SPTBN1: variants seen among roughly 807,000 people sequenced by gnomAD.
The protein encoded by SPTBN1 is spectrin beta, non-erythrocytic 1, also known as spectrin beta chain, non-erythrocytic 1.
A neutral mutation model predicts 266.4 loss-of-function variants in SPTBN1; 32 were observed. The observed-to-expected ratio is 0.12, with a 90% CI of 0.09 to 0.16. SPTBN1 has a LOEUF of 0.16. Ranked by LOEUF, SPTBN1 falls within the 10% of genes least tolerant of loss-of-function variation. SPTBN1 has a pLI of 1.00. For missense variants in SPTBN1, 2,296 were observed against 3,067.1 expected (o/e 0.75, Z 5.94); for synonymous variants, 1,336 against 1,162.2 (o/e 1.15, Z -3.04).
At chr2:54,474,286 G>C (rs1260033348) in intron 1 of SPTBN1, among the ~76,000 whole-genome samples, 1 of 152,102 alleles carries the variant, frequency 6.6e-6, no homozygotes, top group Non-Finnish European at 1.5e-5. Flanking sequence ...TTTTTAAGTG[G>C]TGATAACCTA....
chr2:54,616,310 T>A lies in SPTBN1; in HGVS notation c.566+12T>A, dbSNP rs756805160. 6.2e-7 allele frequency: 1 copy of A among 1,612,486 alleles called. No individual in the cohort carries two copies. The highest frequency in any genetic ancestry group is 1.7e-5 in the Admixed American group (1 of 59,968). On this transcript the variant is annotated intron_variant, in intron 5 of 35. Transcript: ENST00000356805. ...ATGAAGACAGCTGGGTGAGTGTGAA[T>A]GAAGAGGGTATTGGGGCTGCTTCTT...
At chr2:54,593,449 G>T (rs1675822064) in intron 2 of SPTBN1, among the ~76,000 whole-genome samples, 1 of 152,140 alleles carries the variant, frequency 6.6e-6, no homozygotes, top group African/African-American at 2.4e-5. Flanking sequence ...TCCCTGGACT[G>T]CCAGAGCTGC....
chr2:54,463,393 G>A (rs1326578484), intron 1 of SPTBN1, among the ~76,000 whole-genome samples: 13 of 152,240 alleles, frequency 8.5e-5, no homozygotes, highest in Non-Finnish European at 1.5e-5. Flanking sequence ...TGAGTTTGAG[G>A]TTCCAGCACA....
chr2:54,462,159 C>G (rs1693399739), intron 1 of SPTBN1, among the ~76,000 whole-genome samples: 1 of 152,182 alleles, frequency 6.6e-6, no homozygotes, highest in Admixed American at 6.5e-5. Flanking sequence ...TATGATACAG[C>G]AGTGTACAGT....
chr2:54,599,148 G>T lies in SPTBN1; in HGVS notation c.205G>T (p.Ala69Ser), dbSNP rs1427486074. ...TFTKWVNSHLARVSCRITDLY... is the reference protein window; with the variant it reads ...TFTKWVNSHLSRVSCRITDLY... ...CACCAAGTGGGTCAATTCCCACCTT[G>T]CCCGTGTGTCCTGCCGGATCACAGA... Residue 69 changes from alanine to serine, a missense_variant, in exon 3 of 36, where the codon GCC becomes TCC. Physicochemically the swap from Ala to Ser is moderately conservative, Grantham distance 99 (BLOSUM62 1). This residue lies in a region of SPTBN1 where 178 missense variants were observed against 375.7 expected (regional missense o/e 0.47). Transcript: ENST00000356805. The T allele has an allele frequency of 6.2e-7, 1 of 1,614,158 alleles. No homozygotes were observed. Among genetic ancestry groups the T allele is most frequent in the South Asian group, 1.1e-5 (1 of 91,086 alleles).
At chr2:54,636,845 G>C (rs1263306475) in intron 17 of SPTBN1, among the ~76,000 whole-genome samples, 1 of 152,198 alleles carries the variant, frequency 6.6e-6, no homozygotes, top group African/African-American at 2.4e-5. Context: ...GTGTATGTGT[G>C]GCAGTGCTTT....
chr2:54,668,230 T>C, intron 35 of SPTBN1, 121 bp from the exon 36 acceptor site: 1 of 852,912 alleles, frequency 1.2e-6, no homozygotes, highest in Non-Finnish European at 1.9e-6. Context: ...TTGGGGACAG[T>C]GCCCAGAAGT....
At chr2:54,587,908 T>G (rs1044559162) in intron 2 of SPTBN1, among the ~76,000 whole-genome samples, 1 of 152,104 alleles carries the variant, frequency 6.6e-6, no homozygotes, top group Non-Finnish European at 1.5e-5. Flanking sequence ...TACCAGAAAA[T>G]GCTTGTGGCT....
intron 2 of SPTBN1, among the ~76,000 whole-genome samples, chr2:54,588,906 G>GT (rs1215240084): frequency 4.6e-5 from 7 of 151,472 alleles, no homozygotes; most frequent in Admixed American, 1.3e-4. Context: ...TACACTATTG[G>GT]TTTTTTTTGT....
intron 1 of SPTBN1, among the ~76,000 whole-genome samples, chr2:54,508,619 TTTC>T (rs1669702372): frequency 6.6e-6 from 1 of 152,170 alleles, no homozygotes. Flanking sequence ...GAAGGAGATT[TTTC>T]TTTGGTCCAA....
intron 2 of SPTBN1, among the ~76,000 whole-genome samples, chr2:54,572,306 C>CA (rs1317151097): frequency 6.6e-6 from 1 of 151,962 alleles, no homozygotes; most frequent in Non-Finnish European, 1.5e-5. Context: ...GGTTACATAG[C>CA]AAAAAAATGT....
chr2:54,464,039 A>G (rs1430749612), intron 1 of SPTBN1, among the ~76,000 whole-genome samples: 1 of 152,238 alleles, frequency 6.6e-6, no homozygotes, highest in East Asian at 1.9e-4. Context: ...GATAGATATT[A>G]TGCTCTGGGC....
At chr2:54,611,416 A>G (rs12473338) in intron 3 of SPTBN1, among the ~76,000 whole-genome samples, 43,033 of 152,060 alleles carry the variant, frequency 0.28, 7,560 homozygotes, top group Admixed American at 0.36. Context: ...ATATACTTCT[A>G]TAATAGTATA....
intron 3 of SPTBN1, among the ~76,000 whole-genome samples, chr2:54,604,554 C>T (rs1676710458): frequency 6.6e-6 from 1 of 152,118 alleles, no homozygotes; most frequent in South Asian, 2.1e-4. Context: ...GGTTTTTGGT[C>T]CATGCGAAGG....
In SPTBN1 at chr2:54,558,520, T is replaced by C; in HGVS notation, c.148+31954T>C. The C allele has an allele frequency of 8.1e-7, 1 of 1,241,830 alleles. No individual in the cohort carries two copies. The allele number at this position is 1,241,830 out of a possible 1,614,324, so 76.9% of individuals were successfully genotyped here. A position where few individuals can be genotyped will look rare whatever the true frequency, so the allele number is the denominator to read the frequency against. ...TGCTTCTCCCTCCTCCTCAGTAATT[T>C]ATTTCGAGCTTCCAGGCAAGGGCCA... On this transcript the variant is annotated intron_variant, in intron 2 of 35. Transcript: ENST00000356805. This position sits in a 1 kb window ranked among gnomAD's most constrained non-coding sequence, Gnocchi z 4.6.
chr2:54,661,152 G>C, intron 32 of SPTBN1: 1 of 985,346 alleles, frequency 1.0e-6, no homozygotes, highest in Non-Finnish European at 1.2e-6. Context: ...ACTTTTTGTG[G>C]AATTCTCTGA....
At position 54,602,506 on chromosome 2, in the gene SPTBN1, T is replaced by G. The variant is rs76536193; in HGVS notation, c.300+3263T>G. On this transcript the variant is annotated intron_variant, in intron 3 of 35. Coordinates refer to ENST00000356805, the MANE Select transcript of SPTBN1 (RefSeq NM_003128.3). Reference sequence around the variant, plus strand: ...CATGGGCGTCTGCAGTGAAGATTGATTCTCACTATGGTGGCCAGTTTTTTG... The same window carrying G: ...CATGGGCGTCTGCAGTGAAGATTGAGTCTCACTATGGTGGCCAGTTTTTTG... Among the ~76,000 whole-genome samples the G allele has an allele frequency of 4.4e-3, 671 of 152,358 alleles. 7 individuals are homozygous for G. The highest frequency in any genetic ancestry group is 0.016 in the African/African-American group (655 of 41,578).
chr2:54,463,989 A>G (rs1324473595), intron 1 of SPTBN1, among the ~76,000 whole-genome samples: 1 of 152,250 alleles, frequency 6.6e-6, no homozygotes, highest in African/African-American at 2.4e-5. Flanking sequence ...TCACCAGTGT[A>G]TGAAATACAG....
At chr2:54,640,357 G>A (rs1206351684) in intron 18 of SPTBN1, among the ~76,000 whole-genome samples, 2 of 152,068 alleles carry the variant, frequency 1.3e-5, no homozygotes, top group African/African-American at 4.8e-5. Flanking sequence ...CTTGTTGGGT[G>A]CCTTGGTTAG....
Sources: gnomAD v4.1 joint callset for allele counts (sites outside exome capture counted in the v4.1 genomes callset) on GRCh38, gnomAD v4.1.1 for gene constraint, gnomAD v4.1.1 regional missense constraint, Gnocchi (gnomAD v3.1) non-coding constraint, MANE v1.5 for transcripts, NCBI Gene and HGNC (gene_info 2026-07-23, HGNC 2026-07-21) for gene names.